The following MYO5A variants were observed in gnomAD, a reference collection of about 807,000 sequenced individuals.
MYO5A encodes the protein unconventional myosin-Va.
A neutral mutation model predicts 249.7 loss-of-function variants in MYO5A; 98 were observed. The ratio of observed to expected loss-of-function variants is 0.39; its 90% CI spans 0.33 to 0.46. The LOEUF is 0.46. Among genes scored for constraint, MYO5A ranks in the 20% least tolerant of loss-of-function variants. The probability of loss-of-function intolerance (pLI) is 0.98; values close to 1 mark genes in which losing one functional copy is unlikely to be tolerated. For missense variants in MYO5A, 1,696 were observed against 2,308.8 expected (o/e 0.73, Z 5.44); for synonymous variants, 778 against 810.6 (o/e 0.96, Z 0.68).
At chr15:52,333,777 A>T (rs977265095) in intron 34 of MYO5A, among the ~76,000 whole-genome samples, 9 of 152,244 alleles carry the variant, frequency 5.9e-5, no homozygotes, top group Non-Finnish European at 8.8e-5. Flanking sequence ...TGCTATTTTA[A>T]ACCAAAAGGA....
At chr15:52,405,816 CATT>C (rs1338123304) in intron 8 of MYO5A, among the ~76,000 whole-genome samples, 1 of 152,236 alleles carries the variant, frequency 6.6e-6, no homozygotes, top group Non-Finnish European at 1.5e-5. Context: ...TTGTTGTCAT[CATT>C]GTCACACACT....
rs1419642426 is a variant in MYO5A at position 52,310,595 on chromosome 15, C to G, written c.*3101G>C. On this transcript the variant is annotated 3_prime_UTR_variant, in exon 42 of 42. Coordinates refer to ENST00000399233, the MANE Select transcript of MYO5A (RefSeq NM_001382347.1). ...GCAAAGATTGGGCTGATGGTAAGCA[C>G]CAGGAAGGCCAGCAGGGGCAACTGA... 6.6e-6 allele frequency: 1 copy of G among 152,220 alleles called. No homozygotes were observed. The highest frequency in any genetic ancestry group is 1.5e-5 in the Non-Finnish European group (1 of 68,084). The allele number at this position is 152,220 out of a possible 1,614,324, so 9.4% of individuals were successfully genotyped here.
Position 52,378,640 on chromosome 15 carries a change from AG to A in MYO5A, c.2208+984del, listed in dbSNP as rs199509108. Among the ~76,000 whole-genome samples, 10 of 151,414 alleles carry A rather than the reference AG, an allele frequency of 6.6e-5. No homozygotes were observed. In the South Asian group the frequency reaches 1.3e-3, roughly 19 times the overall value. ...GGAAAAAATATTATTAACAAAAAAA[AG>A]GCATCACATTTAGTTCACAGCTAGT... On this transcript the variant is annotated intron_variant, in intron 18 of 41. Coordinates refer to ENST00000399233, the MANE Select transcript of MYO5A (RefSeq NM_001382347.1).
intron 24 of MYO5A, among the ~76,000 whole-genome samples, chr15:52,363,595 G>A (rs1243251791): frequency 2.0e-5 from 3 of 152,134 alleles, no homozygotes; most frequent in African/African-American, 7.2e-5. Context: ...CCAGATAGAA[G>A]CAAAATTTGA....
chr15:52,494,748 CT>C (rs1004802244), intron 1 of MYO5A, among the ~76,000 whole-genome samples: 3 of 152,200 alleles, frequency 2.0e-5, no homozygotes, highest in Non-Finnish European at 4.4e-5. Context: ...CCACTTTGGC[CT>C]CCCAAAGTGC....
intron 1 of MYO5A, among the ~76,000 whole-genome samples, chr15:52,488,168 G>C (rs1334773490): frequency 6.6e-6 from 1 of 150,892 alleles, no homozygotes; most frequent in South Asian, 2.1e-4. Context: ...TGCTTTTGTT[G>C]CATAGTATTC....
At chr15:52,401,698 A>C (rs2042763876) in intron 9 of MYO5A, among the ~76,000 whole-genome samples, 1 of 152,138 alleles carries the variant, frequency 6.6e-6, no homozygotes, top group African/African-American at 2.4e-5. Context: ...TCATTTTCAC[A>C]AGTTCTAAAA....
intron 4 of MYO5A, among the ~76,000 whole-genome samples, chr15:52,420,016 T>C (rs1204197858): frequency 6.6e-6 from 1 of 152,042 alleles, no homozygotes; most frequent in Non-Finnish European, 1.5e-5. Flanking sequence ...GACTTTAAAA[T>C]GTGACTAGGC....
chr15:52,489,369 C>T (rs566078435), intron 1 of MYO5A, among the ~76,000 whole-genome samples: 1 of 151,872 alleles, frequency 6.6e-6, no homozygotes, highest in South Asian at 2.1e-4. Context: ...TCAAGACCAT[C>T]CTGATTAACA....
At chr15:52,386,313 A>AAACAAC (rs10657432) in intron 14 of MYO5A, among the ~76,000 whole-genome samples, 1,858 of 150,136 alleles carry the variant, frequency 0.012, 15 homozygotes, top group Non-Finnish European at 0.016. Context: ...CACTGTCTCA[A>AAACAAC]AACAACAACA....
intron 1 of MYO5A, among the ~76,000 whole-genome samples, chr15:52,504,662 G>A (rs1332463704): frequency 6.6e-6 from 1 of 152,152 alleles, no homozygotes; most frequent in Non-Finnish European, 1.5e-5. Flanking sequence ...AGCATTTTGG[G>A]AGACCAAGGC....
chr15:52,357,002 A>C (rs2040261991), intron 25 of MYO5A, among the ~76,000 whole-genome samples: 2 of 151,976 alleles, frequency 1.3e-5, no homozygotes, highest in Non-Finnish European at 2.9e-5. Context: ...CTTTCTGCCT[A>C]CTTTGTAATA....
intron 1 of MYO5A, among the ~76,000 whole-genome samples, chr15:52,446,548 T>C (rs943751688): frequency 2.0e-5 from 3 of 152,090 alleles, no homozygotes; most frequent in Admixed American, 1.3e-4. Flanking sequence ...CTATACAGAG[T>C]TGCAAGGGGG....
At chr15:52,409,034 A>C (rs922906630) in intron 6 of MYO5A, among the ~76,000 whole-genome samples, 5 of 152,160 alleles carry the variant, frequency 3.3e-5, no homozygotes, top group Non-Finnish European at 5.9e-5. Context: ...CATAAAGGAC[A>C]ATACAAGTAT....
chr15:52,476,681 G>T (rs1237585536), intron 1 of MYO5A, among the ~76,000 whole-genome samples: 1 of 152,144 alleles, frequency 6.6e-6, no homozygotes, highest in East Asian at 1.9e-4. Context: ...TGAAATTCTA[G>T]CTTGAAAATT....
chr15:52,329,631 A>G (rs111851471), intron 35 of MYO5A, among the ~76,000 whole-genome samples: 2 of 152,144 alleles, frequency 1.3e-5, no homozygotes, highest in African/African-American at 4.8e-5. Flanking sequence ...TCCTTGACCT[A>G]TTTAGTTGCA....
rs1044284387 is a variant in MYO5A at position 52,307,485 on chromosome 15, T to G, written c.*6211A>C. 3.3e-5 allele frequency: 5 copies of G among 152,220 alleles called. No homozygotes were observed. The highest frequency in any genetic ancestry group is 9.6e-5 in the African/African-American group (4 of 41,466). 9.4% of individuals were successfully genotyped at this position (152,220 alleles called of 1,614,324 possible). Reference sequence around the variant, plus strand: ...TTCAAAGGCTTTTGTTGATATGAGATGAATTATTAACTTATTTTTAAAAAT... The same window carrying G: ...TTCAAAGGCTTTTGTTGATATGAGAGGAATTATTAACTTATTTTTAAAAAT... On this transcript the variant is annotated 3_prime_UTR_variant, in exon 42 of 42. Transcript: ENST00000399233.
rs2038061322 is a variant in MYO5A, at chr15:52,317,084, G to T, written c.5373C>A (p.Ala1791=). The change falls in exon 40 of 42, where the codon GCC becomes GCA. Residue 1791 remains alanine (A), a synonymous_variant. Coordinates refer to ENST00000399233, the MANE Select transcript of MYO5A (RefSeq NM_001382347.1). ...VKKKTDDDAE[A]ICSMCNALTT... ...TTAAAGCATTGCACATAGAACAAAT[G>T]GCTTCTGCATCATCATCTGTTTTCT... 1.2e-6 allele frequency: 2 copies of T among 1,613,974 alleles called. No homozygotes were observed. The highest frequency in any genetic ancestry group is 1.7e-6 in the Non-Finnish European group (2 of 1,179,998).
intron 35 of MYO5A, 126 bp downstream of exon 35, chr15:52,330,227 G>C: frequency 1.6e-6 from 2 of 1,285,550 alleles, no homozygotes; most frequent in Non-Finnish European, 2.3e-6. Context: ...TGCAGCACTA[G>C]AATACATGGT....
Sources: allele counts gnomAD v4.1 joint callset (sites outside exome capture counted in the v4.1 genomes callset), GRCh38; gene constraint gnomAD v4.1.1; transcripts MANE v1.5; gene names NCBI Gene and HGNC (gene_info 2026-07-23, HGNC 2026-07-21).